The following UMAD1 variants were observed in gnomAD, a reference collection of about 807,000 sequenced individuals.
UMAD1 encodes the protein UBAP1-MVB12-associated (UMA)-domain containing protein 1.
Under a neutral mutation model 6.1 loss-of-function variants are expected in UMAD1, and 8 were observed. The observed-to-expected ratio is 1.30, with a 90% CI of 0.76 to 2.35. UMAD1 has a LOEUF of 2.35. Ranked by LOEUF, UMAD1 falls within the 30% of genes most tolerant of loss-of-function variation. UMAD1 has a pLI of 0.00. For missense variants in UMAD1, 130 were observed against 78.4 expected (o/e 1.66, Z -2.49); for synonymous variants, 56 against 31.4 (o/e 1.78, Z -2.61).
intron 2 of UMAD1, among the ~76,000 whole-genome samples, chr7:7,791,652 C>G (rs998457428): frequency 6.6e-6 from 1 of 152,100 alleles, no homozygotes; most frequent in African/African-American, 2.4e-5. Context: ...TACAAAGTAA[C>G]AAGACTGAGA....
intron 2 of UMAD1, among the ~76,000 whole-genome samples, chr7:7,745,184 T>C (rs1055739222): frequency 6.6e-6 from 1 of 152,172 alleles, no homozygotes; most frequent in African/African-American, 2.4e-5. Flanking sequence ...TTCATTCTTG[T>C]TGTCTTCGCT....
In UMAD1 at chr7:7,719,296, A is replaced by G. The variant is rs148097835; in HGVS notation, c.82+45843A>G. ...TCTTGAATTTGATCCAGTATATAGTATGCTACAAATGGAAAGATTAAACTG... is the reference window on the plus strand; with the variant it reads ...TCTTGAATTTGATCCAGTATATAGTGTGCTACAAATGGAAAGATTAAACTG... On this transcript the variant is annotated intron_variant, in intron 2 of 3. Coordinates refer to ENST00000682710, the MANE Select transcript of UMAD1 (RefSeq NM_001302348.2). Among the ~76,000 whole-genome samples the G allele has an allele frequency of 1.4e-4, 22 of 152,348 alleles. No homozygotes were observed. In the East Asian group the frequency reaches 4.0e-3, roughly 28 times the overall value.
intron 1 of UMAD1, among the ~76,000 whole-genome samples, chr7:7,672,414 A>G (rs1779629764): frequency 6.6e-6 from 1 of 152,130 alleles, no homozygotes; most frequent in Non-Finnish European, 1.5e-5. Context: ...CAATAATCTC[A>G]CCAACGCAAG....
intron 2 of UMAD1, among the ~76,000 whole-genome samples, chr7:7,756,862 C>A (rs1172141985): frequency 1.3e-5 from 2 of 152,174 alleles, no homozygotes; most frequent in Non-Finnish European, 2.9e-5. Context: ...TTCTACTGGG[C>A]AGCCAGGGTT....
intron 2 of UMAD1, among the ~76,000 whole-genome samples, chr7:7,759,336 A>C (rs1407259040): frequency 6.6e-6 from 1 of 152,170 alleles, no homozygotes; most frequent in Non-Finnish European, 1.5e-5. Flanking sequence ...TAAACATATA[A>C]ATAATATATT....
chr7:7,707,170 A>G (rs1342320978), intron 2 of UMAD1, among the ~76,000 whole-genome samples: 1 of 152,180 alleles, frequency 6.6e-6, no homozygotes, highest in Non-Finnish European at 1.5e-5. Flanking sequence ...TAAACAGGCA[A>G]AATCAGTTTT....
intron 1 of UMAD1, among the ~76,000 whole-genome samples, chr7:7,654,666 C>T (rs1785299893): frequency 6.6e-6 from 1 of 152,026 alleles, no homozygotes; most frequent in African/African-American, 2.4e-5. Flanking sequence ...ACTTTGGGAG[C>T]ACAAGGTGGG....
chr7:7,786,097 G>A (rs1563204851), intron 2 of UMAD1, among the ~76,000 whole-genome samples: 1 of 152,106 alleles, frequency 6.6e-6, no homozygotes, highest in Non-Finnish European at 1.5e-5. Flanking sequence ...TCCAATACCT[G>A]AGTGTGCATT....
intron 2 of UMAD1, among the ~76,000 whole-genome samples, chr7:7,726,773 A>G (rs1481986088): frequency 6.6e-6 from 1 of 152,156 alleles, no homozygotes; most frequent in Non-Finnish European, 1.5e-5. Context: ...GGAAGTTAAG[A>G]TTGCCAGCTG....
At position 7,817,868 on chromosome 7, in the gene UMAD1, C is replaced by T. The variant is rs151278443; in HGVS notation, c.156+16125C>T. Among the ~76,000 whole-genome samples, 154 of 152,210 alleles carry T rather than the reference C, an allele frequency of 1.0e-3. No homozygotes were observed. The East Asian group carries it at 0.025, about 25-fold the overall frequency. ...TCACTCTGTCACCTGGGCTGGAGTG[C>T]AGTGGCATGATGTCAGCTTACTGCA... On this transcript the variant is annotated intron_variant, in intron 3 of 3. Transcript: ENST00000682710.
At chr7:7,702,730 T>G (rs936580060) in intron 2 of UMAD1, among the ~76,000 whole-genome samples, 9 of 152,222 alleles carry the variant, frequency 5.9e-5, no homozygotes, top group African/African-American at 1.7e-4. Context: ...ATTTCTGAAA[T>G]GTGCTCCGGT....
At chr7:7,692,120 C>T (rs982388306) in intron 2 of UMAD1, among the ~76,000 whole-genome samples, 14 of 152,158 alleles carry the variant, frequency 9.2e-5, no homozygotes, top group Non-Finnish European at 2.9e-5. Context: ...AAACAGAGTA[C>T]TTCGCCCCCT....
intron 2 of UMAD1, among the ~76,000 whole-genome samples, chr7:7,726,161 G>C (rs1301620990): frequency 1.3e-5 from 2 of 152,218 alleles, no homozygotes; most frequent in Admixed American, 1.3e-4. Flanking sequence ...TATGTGGATG[G>C]ACCTGTCTGG....
chr7:7,835,457 C>G (rs73359497), intron 3 of UMAD1, among the ~76,000 whole-genome samples: 1,635 of 65,070 alleles, frequency 0.025, 73 homozygotes, highest in African/African-American at 0.079. Context: ...CTCATTGAAA[C>G]AGCACTTTTT....
At chr7:7,763,631 C>T (rs1781933522) in intron 2 of UMAD1, among the ~76,000 whole-genome samples, 1 of 152,178 alleles carries the variant, frequency 6.6e-6, no homozygotes, top group Middle Eastern at 3.2e-3. Flanking sequence ...AATCCCAGCA[C>T]TTTGGGAGGC....
chr7:7,655,315 G>T (rs776180288), intron 1 of UMAD1, among the ~76,000 whole-genome samples: 1 of 152,156 alleles, frequency 6.6e-6, no homozygotes, highest in Non-Finnish European at 1.5e-5. Context: ...TGAAATCCAC[G>T]TGTCTCATTT....
intron 3 of UMAD1, among the ~76,000 whole-genome samples, chr7:7,866,923 A>G (rs989586520): frequency 2.0e-5 from 3 of 152,214 alleles, no homozygotes; most frequent in African/African-American, 7.2e-5. Context: ...TCCTGAATGA[A>G]GAGAATGACA....
intron 2 of UMAD1, among the ~76,000 whole-genome samples, chr7:7,794,240 A>T (rs1782625258): frequency 6.6e-6 from 1 of 152,140 alleles, no homozygotes; most frequent in South Asian, 2.1e-4. Context: ...GCCCATTTCC[A>T]GTCTTGTTGG....
intron 3 of UMAD1, among the ~76,000 whole-genome samples, chr7:7,807,441 T>C (rs1427175821): frequency 6.6e-6 from 1 of 152,104 alleles, no homozygotes; most frequent in Non-Finnish European, 1.5e-5. Flanking sequence ...ATGAAATGAA[T>C]GTAGCGTGGC....
Sources: allele counts gnomAD v4.1 joint callset (sites outside exome capture counted in the v4.1 genomes callset), GRCh38; gene constraint gnomAD v4.1.1; transcripts MANE v1.5; gene names NCBI Gene and HGNC (gene_info 2026-07-23, HGNC 2026-07-21).